The following ULK4 variants were observed in gnomAD, a reference collection of about 807,000 sequenced individuals.
The protein encoded by ULK4 is inactive serine/threonine-protein kinase ULK4.
ULK4 carries 133 observed loss-of-function variants against 160.6 expected under a neutral mutation model. The ratio of observed to expected loss-of-function variants is 0.83; its 90% CI spans 0.72 to 0.96. ULK4 has a LOEUF of 0.96. Among genes scored for constraint, ULK4 ranks in the 40% least tolerant of loss-of-function variants. The pLI is 0.00. For synonymous variants in ULK4, 534 were observed against 539.8 expected (o/e 0.99, Z 0.15); for missense variants, 1,580 against 1,499.5 (o/e 1.05, Z -0.89).
intron 35 of ULK4, among the ~76,000 whole-genome samples, chr3:41,381,500 T>C (rs1167701602): frequency 6.6e-6 from 1 of 152,184 alleles, no homozygotes; most frequent in Non-Finnish European, 1.5e-5. Flanking sequence ...TGCCCTCAAA[T>C]CAGCTCCTCC....
At chr3:41,952,930 A>G (rs1700336943) in intron 2 of ULK4, among the ~76,000 whole-genome samples, 1 of 152,212 alleles carries the variant, frequency 6.6e-6, no homozygotes, top group African/African-American at 2.4e-5. Context: ...CCTTGAGGAC[A>G]TTACACTGGG....
chr3:41,645,240 G>C (rs2034429474), intron 30 of ULK4, among the ~76,000 whole-genome samples: 1 of 151,810 alleles, frequency 6.6e-6, no homozygotes, highest in South Asian at 2.1e-4. Flanking sequence ...GCTAGCTTTT[G>C]AATGTGTTTG....
chr3:41,771,979 C>T (rs573918061), intron 21 of ULK4, among the ~76,000 whole-genome samples: 3 of 152,256 alleles, frequency 2.0e-5, no homozygotes, highest in Non-Finnish European at 4.4e-5. Flanking sequence ...TCCCACTACC[C>T]TCCGTCTATC....
At chr3:41,459,571 T>C (rs1261489066) in intron 33 of ULK4, among the ~76,000 whole-genome samples, 2 of 152,096 alleles carry the variant, frequency 1.3e-5, no homozygotes, top group African/African-American at 2.4e-5. Context: ...AAGTTCCAAA[T>C]AACTGTGCTA....
intron 27 of ULK4, among the ~76,000 whole-genome samples, chr3:41,704,142 C>T (rs536950765): frequency 6.4e-4 from 97 of 152,264 alleles, no homozygotes; most frequent in African/African-American, 2.3e-3. Context: ...AACATTTTCA[C>T]ATCAAACTCT....
At chr3:41,563,681 G>A (rs760093376) in intron 32 of ULK4, among the ~76,000 whole-genome samples, 1 of 152,114 alleles carries the variant, frequency 6.6e-6, no homozygotes, top group Non-Finnish European at 1.5e-5. Flanking sequence ...GCGTCACGAA[G>A]TTCTCGTGCC....
At chr3:41,757,602 A>C (rs538582010) in intron 21 of ULK4, among the ~76,000 whole-genome samples, 3 of 143,412 alleles carry the variant, frequency 2.1e-5, no homozygotes, top group Admixed American at 2.1e-4. Flanking sequence ...ACTACACTCC[A>C]GCCTGCGCAA....
chr3:41,614,356 G>T (rs774110852), intron 31 of ULK4, among the ~76,000 whole-genome samples: 10 of 152,122 alleles, frequency 6.6e-5, no homozygotes, highest in Non-Finnish European at 1.0e-4. Context: ...CAACCATGTG[G>T]CCAAACTCAA....
chr3:41,561,012 G>A (rs141899456), intron 32 of ULK4, among the ~76,000 whole-genome samples: 372 of 152,252 alleles, frequency 2.4e-3, no homozygotes, highest in East Asian at 0.013. Context: ...GTCATAAATA[G>A]CTCTTCTTAT....
chr3:41,370,195 A>G (rs2125782016), intron 35 of ULK4, among the ~76,000 whole-genome samples: 1 of 152,298 alleles, frequency 6.6e-6, no homozygotes, highest in East Asian at 1.9e-4. Context: ...ACAATGAAGG[A>G]ATTAAAAAAA....
At chr3:41,372,243 T>C (rs1405452189) in intron 35 of ULK4, among the ~76,000 whole-genome samples, 1 of 152,100 alleles carries the variant, frequency 6.6e-6, no homozygotes, top group Non-Finnish European at 1.5e-5. Flanking sequence ...CCAGGAGAAC[T>C]TCCCCAACCT....
intron 18 of ULK4, among the ~76,000 whole-genome samples, chr3:41,834,156 C>T (rs2041684539): frequency 6.6e-6 from 1 of 151,606 alleles, no homozygotes; most frequent in African/African-American, 2.4e-5. Context: ...CTTCACTTTC[C>T]AGTGTTCTAG....
intron 31 of ULK4, among the ~76,000 whole-genome samples, chr3:41,577,218 A>G (rs1346789811): frequency 6.6e-6 from 1 of 152,236 alleles, no homozygotes; most frequent in East Asian, 1.9e-4. Context: ...GGCCAAGCCC[A>G]GTTCTAAGCC....
chr3:41,341,660 G>C (rs2080687947), intron 35 of ULK4, among the ~76,000 whole-genome samples: 1 of 152,160 alleles, frequency 6.6e-6, no homozygotes, highest in Non-Finnish European at 1.5e-5. Context: ...GAAATGAAGA[G>C]CTCGGGGCTG....
At chr3:41,506,767 A>AAAAAAAAAAATATATATATATAAATAT in intron 32 of ULK4, among the ~76,000 whole-genome samples, 616 of 56,792 alleles carry the variant, frequency 0.011, 59 homozygotes, top group Non-Finnish European at 0.013. Flanking sequence ...TGTGATTTAA[A>AAAAAAAAAAATATATATATATAAATAT]ATATATATAT....
At chr3:41,663,428 G>C (rs147627008) in intron 30 of ULK4, among the ~76,000 whole-genome samples, 179 bp downstream of exon 30, 1,607 of 152,148 alleles carry the variant, frequency 0.011, 12 homozygotes, top group Non-Finnish European at 0.017. Flanking sequence ...AAAAATATGA[G>C]AACGAGAGTC....
chr3:41,825,073 G>A (rs149400658), intron 18 of ULK4, among the ~76,000 whole-genome samples: 8,885 of 152,274 alleles, frequency 0.058, 821 homozygotes, highest in African/African-American at 0.2. Context: ...TGGACCTCCA[G>A]CAAACTCCAA....
chr3:41,762,073 G>A (rs2039001077), intron 21 of ULK4, among the ~76,000 whole-genome samples: 1 of 152,134 alleles, frequency 6.6e-6, no homozygotes, highest in Non-Finnish European at 1.5e-5. Flanking sequence ...AACAGAATGA[G>A]ACCCTGTCTC....
chr3:41,340,480 G>C (rs1043305627), intron 35 of ULK4, among the ~76,000 whole-genome samples: 7 of 152,190 alleles, frequency 4.6e-5, no homozygotes, highest in African/African-American at 1.7e-4. Flanking sequence ...TTGTTCATTT[G>C]AGAAACATCT....
Sources: gnomAD v4.1 joint callset for allele counts (sites outside exome capture counted in the v4.1 genomes callset) on GRCh38, gnomAD v4.1.1 for gene constraint, MANE v1.5 for transcripts, NCBI Gene and HGNC (gene_info 2026-07-23, HGNC 2026-07-21) for gene names.